The following TCERG1L variants were observed in gnomAD, a reference collection of about 807,000 sequenced individuals.
TCERG1L encodes the protein transcription elongation regulator 1 like, also known as transcription elongation regulator 1-like protein.
TCERG1L carries 37 observed loss-of-function variants against 56.3 expected under a neutral mutation model. The ratio of observed to expected loss-of-function variants is 0.66; its 90% CI spans 0.51 to 0.87. The LOEUF is 0.87. Among genes scored for constraint, TCERG1L ranks in the 40% least tolerant of loss-of-function variants. The probability of loss-of-function intolerance (pLI) is 0.00; values close to 1 mark genes in which losing one functional copy is unlikely to be tolerated. For missense variants in TCERG1L, 799 were observed against 774.2 expected, an observed-to-expected ratio of 1.03 and a Z score of -0.38; for synonymous variants, 324 against 326.3, an observed-to-expected ratio of 0.99 and a Z score of 0.08.
At chr10:131,170,000 G>GA (rs925177971) in intron 4 of TCERG1L, among the ~76,000 whole-genome samples, 19 of 152,162 alleles carry the variant, frequency 1.2e-4, no homozygotes. Context: ...TGTTCCTCAT[G>GA]AGTGCTTCTT....
chr10:131,182,131 G>T (rs971817131), intron 4 of TCERG1L, among the ~76,000 whole-genome samples: 2 of 152,328 alleles, frequency 1.3e-5, no homozygotes, highest in South Asian at 4.1e-4. Context: ...CACACAGGAC[G>T]TGTGTGTATG....
At chr10:131,216,951 C>T (rs936487348) in intron 4 of TCERG1L, among the ~76,000 whole-genome samples, 1 of 152,172 alleles carries the variant, frequency 6.6e-6, no homozygotes, top group Non-Finnish European at 1.5e-5. Flanking sequence ...CAGGACCAGG[C>T]TGGCCATGGC....
At chr10:131,094,861 A>AGACAG (rs1845224958) in intron 11 of TCERG1L, among the ~76,000 whole-genome samples, 1 of 152,166 alleles carries the variant, frequency 6.6e-6, no homozygotes, top group Non-Finnish European at 1.5e-5. Flanking sequence ...TCCCCTGGCT[A>AGACAG]GACAGGCATC....
At chr10:131,263,988 G>GT (rs1429554669) in intron 3 of TCERG1L, among the ~76,000 whole-genome samples, 1 of 145,650 alleles carries the variant, frequency 6.9e-6, no homozygotes, top group Non-Finnish European at 1.5e-5. Flanking sequence ...ATGACCTGGA[G>GT]TTTTCCAAAC....
intron 4 of TCERG1L, among the ~76,000 whole-genome samples, chr10:131,201,959 C>A: frequency 6.6e-6 from 1 of 152,206 alleles, no homozygotes; most frequent in Middle Eastern, 3.2e-3. Context: ...CCCAGGGCCA[C>A]GTGGGGGTCA....
intron 3 of TCERG1L, among the ~76,000 whole-genome samples, chr10:131,295,061 C>G (rs113432995): frequency 0.011 from 1,728 of 151,228 alleles, 20 homozygotes; most frequent in Non-Finnish European, 0.016. Context: ...CCTAGAATGT[C>G]ACAAAAGTGG....
chr10:131,115,759 C>T (rs1169491322), intron 9 of TCERG1L, among the ~76,000 whole-genome samples: 1 of 152,140 alleles, frequency 6.6e-6, no homozygotes, highest in Non-Finnish European at 1.5e-5. Flanking sequence ...CATAAAATTC[C>T]TAAGGGGTAG....
intron 4 of TCERG1L, among the ~76,000 whole-genome samples, chr10:131,207,796 C>T (rs73396442): frequency 0.022 from 3,300 of 152,236 alleles, 113 homozygotes; most frequent in African/African-American, 0.075. Context: ...TCCCATCAGC[C>T]TTGAAATACC....
intron 10 of TCERG1L, among the ~76,000 whole-genome samples, chr10:131,101,190 C>T: frequency 6.6e-6 from 1 of 152,346 alleles, no homozygotes; most frequent in Non-Finnish European, 1.5e-5. Context: ...GAGGAAGGTC[C>T]AGCCTCACAG....
rs1846294781 is a variant in TCERG1L at position 131,267,020 on chromosome 10, C to CA, written c.671-6577dup. Reference sequence around the variant, plus strand: ...GTCCAGAGGACTGGCAACCGGCCCCCAGCCTTCAGGTCCTCCCTGGCCTGA... The same window carrying CA: ...GTCCAGAGGACTGGCAACCGGCCCCCAAGCCTTCAGGTCCTCCCTGGCCTGA... On this transcript the variant is annotated intron_variant, in intron 3 of 11. Coordinates refer to ENST00000368642, the MANE Select transcript of TCERG1L (RefSeq NM_174937.4). This position sits in a 1 kb window ranked among gnomAD's most constrained non-coding sequence, Gnocchi z 4.9. 6.6e-6 allele frequency among the ~76,000 whole-genome samples: 1 copy of CA among 152,092 alleles called. No individual in the cohort carries two copies. Among genetic ancestry groups the CA allele is most frequent in the South Asian group, 2.1e-4 (1 of 4,828 alleles).
chr10:131,221,541 T>C (rs1180132245), intron 4 of TCERG1L, among the ~76,000 whole-genome samples: 1 of 152,222 alleles, frequency 6.6e-6, no homozygotes, highest in Non-Finnish European at 1.5e-5. Context: ...AGGAAGTTTC[T>C]GGAAGATGCG....
chr10:131,128,288 A>AGGAGGCGACCCAGGAG (rs1325979199), intron 8 of TCERG1L, among the ~76,000 whole-genome samples: 4 of 152,228 alleles, frequency 2.6e-5, no homozygotes, highest in African/African-American at 9.6e-5. Flanking sequence ...CAGCGTGCAA[A>AGGAGGCGACCCAGGAG]GGAGGCGACC....
At chr10:131,230,559 G>T (rs56946403) in intron 4 of TCERG1L, among the ~76,000 whole-genome samples, 7 of 152,186 alleles carry the variant, frequency 4.6e-5, no homozygotes, top group Admixed American at 4.6e-4. Context: ...CGAGCCTGGC[G>T]GGCCCAGATT....
Position 131,311,056 on chromosome 10 carries a change from C to T in TCERG1L, c.342+238G>A, listed in dbSNP as rs2133050140. On this transcript the variant is annotated intron_variant, in intron 1 of 11. Coordinates refer to ENST00000368642, the MANE Select transcript of TCERG1L (RefSeq NM_174937.4). This position sits in a 1 kb window ranked among gnomAD's most constrained non-coding sequence, Gnocchi z 4.0. ...CGGGCCTGGGCGGCGGGTCCCTCCA[C>T]GGCTCCGTCCAGACACCCGGAGGCA... Among the ~76,000 whole-genome samples, 1 of 152,246 alleles carries T rather than the reference C, an allele frequency of 6.6e-6. No individual in the cohort carries two copies. Among genetic ancestry groups the T allele is most frequent in the Admixed American group, 6.5e-5 (1 of 15,306 alleles).
intron 6 of TCERG1L, chr10:131,161,799 C>T (rs1228196569): frequency 1.3e-5 from 2 of 152,252 alleles, no homozygotes; most frequent in Non-Finnish European, 2.9e-5. Context: ...AATTCTAAAA[C>T]ATTGAGGTTC....
At chr10:131,210,007 C>T (rs571106820) in intron 4 of TCERG1L, among the ~76,000 whole-genome samples, 2 of 152,160 alleles carry the variant, frequency 1.3e-5, no homozygotes, top group East Asian at 3.9e-4. Context: ...GCCAGTCATA[C>T]CAAAAGAAGC....
chr10:131,294,513 C>T (rs1030862641), intron 3 of TCERG1L, among the ~76,000 whole-genome samples: 1 of 152,158 alleles, frequency 6.6e-6, no homozygotes, highest in African/African-American at 2.4e-5. Flanking sequence ...CAACCTTGGC[C>T]CAAATAAACT....
chr10:131,254,933 C>T (rs543754180), intron 4 of TCERG1L, among the ~76,000 whole-genome samples: 121 of 152,208 alleles, frequency 7.9e-4, no homozygotes, highest in Admixed American at 1.9e-3. Context: ...TTGAGGGGTT[C>T]ATTGGGAAGT....
intron 4 of TCERG1L, among the ~76,000 whole-genome samples, chr10:131,201,327 C>G (rs902756655): frequency 6.6e-6 from 1 of 152,148 alleles, no homozygotes; most frequent in Admixed American, 6.5e-5. Context: ...GCAGGGACAG[C>G]GACAGAGAGG....
Sources: allele counts gnomAD v4.1 joint callset (sites outside exome capture counted in the v4.1 genomes callset), GRCh38; gene constraint gnomAD v4.1.1; non-coding constraint Gnocchi (gnomAD v3.1); transcripts MANE v1.5; gene names NCBI Gene and HGNC (gene_info 2026-07-23, HGNC 2026-07-21).